CAMKMT: variants seen among roughly 807,000 people sequenced by gnomAD.
CAMKMT encodes the protein calmodulin-lysine N-methyltransferase, also known as CaM KMT.
Under a neutral mutation model 48.0 loss-of-function variants are expected in CAMKMT, and 53 were observed. That is an observed-to-expected ratio of 1.10 (90% CI 0.89 to 1.39). CAMKMT has a LOEUF of 1.39. CAMKMT is among the 40% of genes most tolerant of loss of function. CAMKMT has a pLI of 0.00. For missense variants in CAMKMT, 428 were observed against 402.7 expected, an observed-to-expected ratio of 1.06 and a Z score of -0.54; for synonymous variants, 165 against 152.3, an observed-to-expected ratio of 1.08 and a Z score of -0.61.
chr2:44,683,666 C>G (rs1057212523), intron 3 of CAMKMT, among the ~76,000 whole-genome samples: 1 of 151,280 alleles, frequency 6.6e-6, no homozygotes, highest in East Asian at 1.9e-4. Context: ...TAAAAAAATA[C>G]AAAAAAATTA....
At chr2:44,689,676 G>A (rs1390270995) in intron 3 of CAMKMT, among the ~76,000 whole-genome samples, 1 of 152,166 alleles carries the variant, frequency 6.6e-6, no homozygotes, top group Non-Finnish European at 1.5e-5. Context: ...GGAACTCTGT[G>A]GTCTGATTTT....
intron 7 of CAMKMT, among the ~76,000 whole-genome samples, chr2:44,719,617 G>T (rs750194533): frequency 1.3e-5 from 2 of 152,154 alleles, no homozygotes; most frequent in African/African-American, 4.8e-5. Context: ...GGTATTTAGA[G>T]AACATTTTGA....
chr2:44,567,948 G>C (rs984635223), intron 3 of CAMKMT, among the ~76,000 whole-genome samples: 1 of 150,330 alleles, frequency 6.7e-6, no homozygotes, highest in Non-Finnish European at 1.5e-5. Context: ...TGCTACTCCT[G>C]TTCTTATTTA....
intron 3 of CAMKMT, among the ~76,000 whole-genome samples, chr2:44,537,295 A>G (rs1296788434): frequency 6.6e-6 from 1 of 152,258 alleles, no homozygotes; most frequent in Non-Finnish European, 1.5e-5. Context: ...AGAATATACA[A>G]GGAATTCAAA....
intron 7 of CAMKMT, 46 bp from the exon 8 acceptor site, chr2:44,743,576 T>G: frequency 7.1e-7 from 1 of 1,415,540 alleles, no homozygotes; most frequent in Non-Finnish European, 9.8e-7. Context: ...AATCAAAATT[T>G]AAAAAAAACC....
intron 3 of CAMKMT, among the ~76,000 whole-genome samples, chr2:44,583,821 A>G (rs138490622): frequency 7.5e-4 from 113 of 150,852 alleles, no homozygotes; most frequent in Non-Finnish European, 1.1e-3. Flanking sequence ...AAGAAAAAAG[A>G]AGGAAGGAAG....
chr2:44,524,683 A>G (rs1260736150), intron 3 of CAMKMT, among the ~76,000 whole-genome samples: 1 of 152,006 alleles, frequency 6.6e-6, no homozygotes. Context: ...AATACTTTTT[A>G]TATCCCTCTG....
rs2104067834 is a variant in CAMKMT, at chr2:44,657,932, T to C, written c.377-46351T>C. ...AAATGTCTCATTTTCCTCCATACTC[T>C]GTTTTTATATAAAATAATGGTATCT... On this transcript the variant is annotated intron_variant, in intron 3 of 10. Transcript: ENST00000378494. This position sits in a 1 kb window ranked among gnomAD's most constrained non-coding sequence, Gnocchi z 4.3. Among the ~76,000 whole-genome samples the C allele has an allele frequency of 6.6e-6, 1 of 152,332 alleles. No homozygotes were observed. The highest frequency in any genetic ancestry group is 1.5e-5 in the Non-Finnish European group (1 of 68,032).
intron 3 of CAMKMT, among the ~76,000 whole-genome samples, chr2:44,629,790 G>T (rs1200871734): frequency 6.6e-6 from 1 of 152,146 alleles, no homozygotes; most frequent in Admixed American, 6.5e-5. Context: ...CGGGTAGGAA[G>T]AATCAATATC....
chr2:44,413,808 A>G (rs1683374206), intron 3 of CAMKMT, among the ~76,000 whole-genome samples: 1 of 152,338 alleles, frequency 6.6e-6, no homozygotes, highest in African/African-American at 2.4e-5. Flanking sequence ...CTTTAAAAGG[A>G]GTTATAGTTA....
intron 3 of CAMKMT, among the ~76,000 whole-genome samples, chr2:44,552,099 A>G (rs1158390565): frequency 6.6e-6 from 1 of 152,120 alleles, no homozygotes; most frequent in Non-Finnish European, 1.5e-5. Flanking sequence ...TGAATAGTGT[A>G]CATTGTTTTA....
chr2:44,410,421 C>A (rs1211892853), intron 3 of CAMKMT, among the ~76,000 whole-genome samples: 1 of 149,536 alleles, frequency 6.7e-6, no homozygotes, highest in African/African-American at 2.5e-5. Context: ...CCTCGCCCAG[C>A]TAATTTTTTT....
chr2:44,494,495 G>C (rs1223228915), intron 3 of CAMKMT, among the ~76,000 whole-genome samples: 1 of 152,060 alleles, frequency 6.6e-6, no homozygotes, highest in Non-Finnish European at 1.5e-5. Flanking sequence ...TGTTGCTAAG[G>C]GATAATGGTC....
intron 3 of CAMKMT, among the ~76,000 whole-genome samples, chr2:44,496,954 A>T (rs1223741331): frequency 3.3e-5 from 5 of 152,176 alleles, no homozygotes; most frequent in Non-Finnish European, 2.9e-5. Flanking sequence ...TAGAAGTTAA[A>T]TGTCAACCTT....
intron 3 of CAMKMT, among the ~76,000 whole-genome samples, chr2:44,524,963 CA>C (rs1671323042): frequency 1.0e-5 from 1 of 97,006 alleles, no homozygotes; most frequent in African/African-American, 3.7e-5. Context: ...GTGCAAATTT[CA>C]TAAAAAAAAA....
At chr2:44,585,077 G>C (rs1417785516) in intron 3 of CAMKMT, among the ~76,000 whole-genome samples, 1 of 151,890 alleles carries the variant, frequency 6.6e-6, no homozygotes. Context: ...ATGTAAAAAG[G>C]CTTGTTGATT....
chr2:44,588,217 A>G (rs1669999439), intron 3 of CAMKMT, among the ~76,000 whole-genome samples: 1 of 110,844 alleles, frequency 9.0e-6, no homozygotes, highest in Non-Finnish European at 1.9e-5. Context: ...GCCCCGTCTG[A>G]GAAGTGAGGA....
chr2:44,547,731 G>T (rs1667483069), intron 3 of CAMKMT, among the ~76,000 whole-genome samples: 1 of 152,252 alleles, frequency 6.6e-6, no homozygotes, highest in Middle Eastern at 3.4e-3. Flanking sequence ...ATTTCATAGG[G>T]TTACTATGAG....
rs867148414 is a variant in CAMKMT, at chr2:44,647,025, G to A, written c.377-57258G>A. Among the ~76,000 whole-genome samples, 6 of 152,190 alleles carry A rather than the reference G, an allele frequency of 3.9e-5. No individual in the cohort carries two copies. The Middle Eastern group carries it at 0.01, about 261-fold the overall frequency. On this transcript the variant is annotated intron_variant, in intron 3 of 10. Coordinates refer to ENST00000378494, the MANE Select transcript of CAMKMT (RefSeq NM_024766.5). ...TTTTAAAAGTATTCCTTGGCCGGGC[G>A]CGGTGGCTCACGCCTGTAATTCCAG... is the stretch of plus-strand genomic sequence containing the variant.
Sources: allele counts gnomAD v4.1 joint callset (sites outside exome capture counted in the v4.1 genomes callset), GRCh38; gene constraint gnomAD v4.1.1; non-coding constraint Gnocchi (gnomAD v3.1); transcripts MANE v1.5; gene names NCBI Gene and HGNC (gene_info 2026-07-23, HGNC 2026-07-21).